Variants in PCDH1 observed in about 807,000 individuals in gnomAD.
PCDH1 encodes the protein protocadherin 1.
PCDH1 carries 23 observed loss-of-function variants against 74.6 expected under a neutral mutation model. The observed-to-expected ratio is 0.31, with a 90% CI of 0.22 to 0.44. The LOEUF is 0.44. PCDH1 is among the 20% of genes least tolerant of loss of function. The pLI is 1.00. For missense variants in PCDH1, 1,214 were observed against 1,641.4 expected (o/e 0.74, Z 4.50); for synonymous variants, 647 against 686.1 (o/e 0.94, Z 0.89).
chr5:141,861,199 G>A (rs887336903), intron 3 of PCDH1, among the ~76,000 whole-genome samples: 1 of 151,622 alleles, frequency 6.6e-6, no homozygotes, highest in Non-Finnish European at 1.5e-5. Flanking sequence ...AGCTTTAGTA[G>A]GGCACTTCTC....
Position 141,854,149 on chromosome 5 carries a change from T to G in PCDH1, c.3607A>C (p.Lys1203Gln). ...ATTTCCTCCAAGGTGGCCGAGTCCT[T>G]GCAGGAATCATGGCTACTGTGGGAG... ...AFSHSSHDSC[K>Q]DSATLEEIPL... The change falls in exon 5 of 5, where the codon AAG (lysine) becomes CAG (glutamine). Residue 1203 changes from lysine (K) to glutamine (Q), a missense_variant. By Grantham distance (53) the Lys-to-Gln change is moderately conservative (BLOSUM62 1). Transcript: ENST00000287008. 1 of 1,601,734 alleles carries G rather than the reference T, an allele frequency of 6.2e-7. No individual in the cohort carries two copies. The highest frequency in any genetic ancestry group is 8.5e-7 in the Non-Finnish European group (1 of 1,171,968).
intron 1 of PCDH1, among the ~76,000 whole-genome samples, chr5:141,874,090 C>T (rs1162523341): frequency 1.3e-5 from 2 of 152,174 alleles, no homozygotes; most frequent in Non-Finnish European, 2.9e-5. Context: ...ATGTCACACC[C>T]GCCTCCCCAC....
chr5:141,864,321 G>A lies in PCDH1; in HGVS notation c.2010C>T (p.Ser670=). Residue 670 remains serine, a synonymous_variant, in exon 3 of 5, where the codon AGC becomes AGT. Transcript: ENST00000287008. The surrounding 1 kb of genome is among the most constrained non-coding windows in gnomAD (Gnocchi z 5.9). ...IQNGTGTILS[S]LSFDREQQST... is the part of the protein sequence containing the mutation. ...TTTGTTGCTCTCGATCAAAGCTCAG[G>A]CTGGATAGGATGGTGCCTGTGCCAT... 1 of 1,614,102 alleles carries A rather than the reference G, an allele frequency of 6.2e-7. No individual in the cohort carries two copies. Among genetic ancestry groups the A allele is most frequent in the South Asian group, 1.1e-5 (1 of 91,090 alleles).
At chr5:141,855,845 G>A (rs751941702) in intron 4 of PCDH1, among the ~76,000 whole-genome samples, 4 of 152,170 alleles carry the variant, frequency 2.6e-5, no homozygotes, top group African/African-American at 7.2e-5. Context: ...AGCAGTAGCC[G>A]GTGTAGTTGC....
At chr5:141,870,262 A>C (rs1346598947) in intron 1 of PCDH1, among the ~76,000 whole-genome samples, 1 of 149,600 alleles carries the variant, frequency 6.7e-6, no homozygotes, top group East Asian at 2.0e-4. Context: ...GAGCGTGCAC[A>C]CATGCCCCAG....
At chr5:141,874,705 G>A (rs1753176645) in intron 1 of PCDH1, among the ~76,000 whole-genome samples, 1 of 152,192 alleles carries the variant, frequency 6.6e-6, no homozygotes, top group South Asian at 2.1e-4. Context: ...GCTGTGGCCA[G>A]AGAAAAAACA....
chr5:141,864,981 A>T lies in PCDH1; in HGVS notation c.1350T>A (p.Ser450Arg). 1 of 1,614,046 alleles carries T rather than the reference A, an allele frequency of 6.2e-7. No individual in the cohort carries two copies. The highest frequency in any genetic ancestry group is 8.5e-7 in the Non-Finnish European group (1 of 1,180,004). Reference sequence around the variant, plus strand: ...GCAGGAAATACTTCTTCTTGCTGTCACTGCCTGTCTCACTGGCCTGGCGCA... The same window carrying T: ...GCAGGAAATACTTCTTCTTGCTGTCTCTGCCTGTCTCACTGGCCTGGCGCA... ...FQLRQASETG[S>R]DSKKKYFLQT... Residue 450 changes from serine (S) to arginine (R), a missense_variant, in exon 3 of 5, where the codon AGT becomes AGA. Transcript: ENST00000287008. This position sits in a 1 kb window ranked among gnomAD's most constrained non-coding sequence, Gnocchi z 5.9.
At chr5:141,856,330 G>A in intron 4 of PCDH1, 1 of 1,289,444 alleles carries the variant, frequency 7.8e-7, no homozygotes. Flanking sequence ...GGGGGTGGAG[G>A]GCACTCTGAG....
chr5:141,869,429 G>A lies in PCDH1; in HGVS notation c.43C>T (p.Leu15Phe), dbSNP rs12517385. The change falls in exon 2 of 5, where the codon CTC (leucine) becomes TTC (phenylalanine). Residue 15 changes from leucine to phenylalanine, a missense_variant and splice_region_variant. By Grantham distance (22) the Leu-to-Phe change is conservative (BLOSUM62 0). Around this residue, in one of 4 missense-constraint regions of PCDH1, gnomAD observed 87 missense variants for 87.7 expected, o/e 0.99. Transcript: ENST00000287008. The surrounding 1 kb of genome is among the most constrained non-coding windows in gnomAD (Gnocchi z 4.9). ...ATCCTGGGAGGCCCCAGAATCAGGAGGGCTGCAAGGGGAAGAGGCAAAACA... is the reference window on the plus strand; with the variant it reads ...ATCCTGGGAGGCCCCAGAATCAGGAAGGCTGCAAGGGGAAGAGGCAAAACA... ...AGGRRCPEAALLILGPPRMEH... is the reference protein window; with the variant it reads ...AGGRRCPEAAFLILGPPRMEH... 14,525 of 1,596,482 alleles carry A rather than the reference G, an allele frequency of 9.1e-3. 89 individuals are homozygous for A. The highest frequency in any genetic ancestry group is 0.011 in the Non-Finnish European group (12,947 of 1,178,470).
chr5:141,855,654 A>G (rs2126802838), intron 4 of PCDH1, among the ~76,000 whole-genome samples: 1 of 152,148 alleles, frequency 6.6e-6, no homozygotes, highest in Non-Finnish European at 1.5e-5. Context: ...CTTTAAAGCC[A>G]GGGGGAAGGG....
Position 141,864,679 on chromosome 5 carries a change from G to C in PCDH1, c.1652C>G (p.Ala551Gly), listed in dbSNP as rs780108305. 16 of 1,613,930 alleles carry C rather than the reference G, an allele frequency of 9.9e-6. No homozygotes were observed. The highest frequency in any genetic ancestry group is 1.3e-5 in the Non-Finnish European group (15 of 1,180,048). The change falls in exon 3 of 5, where the codon GCT becomes GGT. Residue 551 changes from alanine (A) to glycine (G), a missense_variant. Coordinates refer to ENST00000287008, the MANE Select transcript of PCDH1 (RefSeq NM_032420.5). The surrounding 1 kb of genome is among the most constrained non-coding windows in gnomAD (Gnocchi z 5.9). ...GGGTGAGATGGTGAAGAGGCCCTTAGCAGCCGGCTCAGGCTCCAGAGAGTA... is the reference window on the plus strand; with the variant it reads ...GGGTGAGATGGTGAAGAGGCCCTTACCAGCCGGCTCAGGCTCCAGAGAGTA... Reference protein sequence around the residue: ...LVYSLEPEPAAKGLFTISPET... With the variant: ...LVYSLEPEPAGKGLFTISPET...
At chr5:141,871,257 A>G (rs774885513) in intron 1 of PCDH1, among the ~76,000 whole-genome samples, 1 of 152,148 alleles carries the variant, frequency 6.6e-6, no homozygotes, top group African/African-American at 2.4e-5. Context: ...GCATTCAACA[A>G]ATGTTTATTG....
At chr5:141,877,902 C>A (rs1200462550) in intron 1 of PCDH1, among the ~76,000 whole-genome samples, 1 of 152,190 alleles carries the variant, frequency 6.6e-6, no homozygotes, top group African/African-American at 2.4e-5. Flanking sequence ...TTCCCCAAAC[C>A]CATCCTCCAC....
Position 141,863,956 on chromosome 5 carries a change from A to G in PCDH1, c.2375T>C (p.Val792Ala). The G allele has an allele frequency of 1.2e-6, 2 of 1,614,096 alleles. No homozygotes were observed. The highest frequency in any genetic ancestry group is 1.7e-6 in the Non-Finnish European group (2 of 1,180,014). Residue 792 changes from valine (V) to alanine (A), a missense_variant, in exon 3 of 5, where the codon GTG becomes GCG. Transcript: ENST00000287008. The surrounding 1 kb of genome is among the most constrained non-coding windows in gnomAD (Gnocchi z 7.5). Reference protein sequence around the residue: ...RRHHGLHRLVVKVSDRGKPPR... With the variant: ...RRHHGLHRLVAKVSDRGKPPR... ...GGGCTTGCCGCGGTCACTGACCTTCACCACCAGGCGGTGTAGCCCATGGTG... is the reference window on the plus strand; with the variant it reads ...GGGCTTGCCGCGGTCACTGACCTTCGCCACCAGGCGGTGTAGCCCATGGTG...
At chr5:141,860,798 C>T (rs1752533916) in intron 3 of PCDH1, among the ~76,000 whole-genome samples, 1 of 152,060 alleles carries the variant, frequency 6.6e-6, no homozygotes, top group Non-Finnish European at 1.5e-5. Context: ...AGCATGGTAC[C>T]TCACACCTAG....
In PCDH1 at chr5:141,865,712, CACTT is replaced by C. The variant is rs1292040746; in HGVS notation, c.904-289_904-286del. 1.3e-5 allele frequency among the ~76,000 whole-genome samples: 2 copies of C among 152,332 alleles called. No homozygotes were observed. Among genetic ancestry groups the C allele is most frequent in the Admixed American group, 1.3e-4 (2 of 15,304 alleles). ...GATGGGACAGGGCAGAATTAAACCT[CACTT>C]GTCATTGCTGTATGGGTCCACAAAA... On this transcript the variant is annotated intron_variant, in intron 2 of 4. Coordinates refer to ENST00000287008, the MANE Select transcript of PCDH1 (RefSeq NM_032420.5). The surrounding 1 kb of genome is among the most constrained non-coding windows in gnomAD (Gnocchi z 4.4).
In PCDH1 at chr5:141,865,292, G is replaced by A. The variant is rs775363715; in HGVS notation, c.1039C>T (p.Arg347Cys). The A allele has an allele frequency of 5.6e-6, 9 of 1,614,064 alleles. No individual in the cohort carries two copies. The highest frequency in any genetic ancestry group is 4.0e-5 in the African/African-American group (3 of 74,916). Reference protein sequence around the residue: ...GLITVQGPVDREDLSTLRFSV... With the variant: ...GLITVQGPVDCEDLSTLRFSV... ...AAGCGCAGGGTGCTTAGGTCCTCACGGTCCACCGGGCCCTGAACAGTGATA... is the reference window on the plus strand; with the variant it reads ...AAGCGCAGGGTGCTTAGGTCCTCACAGTCCACCGGGCCCTGAACAGTGATA... The change falls in exon 3 of 5, where the codon CGT becomes TGT. Residue 347 changes from arginine to cysteine, a missense_variant. Physicochemically the swap from Arg to Cys is radical, Grantham distance 180. This residue lies in a region of PCDH1 where 836 missense variants were observed against 1,182.2 expected (regional missense o/e 0.71). Transcript: ENST00000287008. This position sits in a 1 kb window ranked among gnomAD's most constrained non-coding sequence, Gnocchi z 4.4.
rs747968827 is a variant in PCDH1 at position 141,864,080 on chromosome 5, C to T, written c.2251G>A (p.Glu751Lys). 2.5e-6 allele frequency: 4 copies of T among 1,612,588 alleles called. No individual in the cohort carries two copies. In the East Asian group the frequency reaches 6.7e-5, roughly 27 times the overall value. ...CCACCTGCAATGCTGTAGATCAGCTCAGCATTGACACCAGAGTCAAAGTCC... is the reference window on the plus strand; with the variant it reads ...CCACCTGCAATGCTGTAGATCAGCTTAGCATTGACACCAGAGTCAAAGTCC... ...AEDFDSGVNA[E>K]LIYSIAGGNP... The change falls in exon 3 of 5, where the codon GAG becomes AAG. Residue 751 changes from glutamate (E) to lysine (K), a missense_variant. By Grantham distance (56) the Glu-to-Lys change is moderately conservative. Around this residue, in one of 4 missense-constraint regions of PCDH1, gnomAD observed 836 missense variants for 1,182.2 expected, o/e 0.71. Transcript: ENST00000287008. The surrounding 1 kb of genome is among the most constrained non-coding windows in gnomAD (Gnocchi z 5.9).
Position 141,857,476 on chromosome 5 carries a change from A to C in PCDH1, c.3100-5T>G, listed in dbSNP as rs778021955. 6.2e-7 allele frequency: 1 copy of C among 1,612,160 alleles called. No homozygotes were observed. Among genetic ancestry groups the C allele is most frequent in the Admixed American group, 1.7e-5 (1 of 59,800 alleles). On this transcript the variant is annotated splice_polypyrimidine_tract_variant and splice_region_variant and intron_variant, in intron 3 of 4. Transcript: ENST00000287008. ...GGTGACGCGGCGGTGAGGTAACTGCAGGGAGACAGATTGTCACTACTGACC... is the reference window on the plus strand; with the variant it reads ...GGTGACGCGGCGGTGAGGTAACTGCCGGGAGACAGATTGTCACTACTGACC...
Sources: allele counts gnomAD v4.1 joint callset (sites outside exome capture counted in the v4.1 genomes callset), GRCh38; gene constraint gnomAD v4.1.1; regional missense constraint gnomAD v4.1.1; non-coding constraint Gnocchi (gnomAD v3.1); transcripts MANE v1.5; gene names NCBI Gene and HGNC (gene_info 2026-07-23, HGNC 2026-07-21).